FSTL4: variants seen among roughly 807,000 people sequenced by gnomAD.
FSTL4 encodes the protein follistatin-related protein 4.
Under a neutral mutation model 78.2 loss-of-function variants are expected in FSTL4, and 28 were observed. That is an observed-to-expected ratio of 0.36 (90% CI 0.27 to 0.49). FSTL4 has a LOEUF of 0.49. Among genes scored for constraint, FSTL4 ranks in the 20% least tolerant of loss-of-function variants. The pLI is 0.98. For synonymous variants in FSTL4, 422 were observed against 440.5 expected, an observed-to-expected ratio of 0.96 and a Z score of 0.53; for missense variants, 922 against 1,084.9, an observed-to-expected ratio of 0.85 and a Z score of 2.11.
the FSTL4 span, among the ~76,000 whole-genome samples, chr5:133,758,407 A>G: frequency 6.6e-6 from 1 of 152,254 alleles, no homozygotes; most frequent in Non-Finnish European, 1.5e-5. Context: ...GAAAGTGGGG[A>G]AGGGCAAGAC....
At chr5:133,528,051 G>A (rs1759172523) in intron 3 of FSTL4, among the ~76,000 whole-genome samples, 1 of 152,214 alleles carries the variant, frequency 6.6e-6, no homozygotes, top group African/African-American at 2.4e-5. Context: ...CTTGATAAGT[G>A]TTATCATTTC....
At chr5:133,521,083 C>T (rs1758970987) in intron 3 of FSTL4, among the ~76,000 whole-genome samples, 1 of 152,138 alleles carries the variant, frequency 6.6e-6, no homozygotes, top group Admixed American at 6.5e-5. Context: ...CTTCCTAGGG[C>T]AAGCATGTCC....
At position 133,603,921 on chromosome 5, in the gene FSTL4, C is replaced by T; in HGVS notation, c.63G>A (p.Leu21=). Residue 21 remains leucine (L), a synonymous_variant, in exon 2 of 16, where the codon CTG becomes CTA. Coordinates refer to ENST00000265342, the MANE Select transcript of FSTL4 (RefSeq NM_015082.2). ...TLLGASLPAA[L]GWMDPGTSRG... ...TGCTGGTTCCTGGGTCCATCCATCC[C>T]AGCGCAGCCGGCAGGGAGGCTCCGA... The T allele has an allele frequency of 6.2e-7, 1 of 1,614,046 alleles. No individual in the cohort carries two copies. Among genetic ancestry groups the T allele is most frequent in the Non-Finnish European group, 8.5e-7 (1 of 1,179,884 alleles).
chr5:133,454,544 C>T (rs1226356279), intron 3 of FSTL4, among the ~76,000 whole-genome samples: 1 of 152,218 alleles, frequency 6.6e-6, no homozygotes, highest in African/African-American at 2.4e-5. Context: ...AGATGGCTGC[C>T]TGGACATAGA....
intron 3 of FSTL4, among the ~76,000 whole-genome samples, chr5:133,455,703 G>C (rs1293015330): frequency 6.6e-6 from 1 of 152,234 alleles, no homozygotes; most frequent in African/African-American, 2.4e-5. Context: ...ATTCAAGGAG[G>C]CTTCAAGAGC....
At chr5:133,771,415 T>C in the FSTL4 span, among the ~76,000 whole-genome samples, 2 of 152,174 alleles carry the variant, frequency 1.3e-5, no homozygotes, top group African/African-American at 4.8e-5. Flanking sequence ...GTAGTCCTCC[T>C]TATAGAGATC....
chr5:133,445,014 A>G (rs1012061422), intron 3 of FSTL4, among the ~76,000 whole-genome samples: 4 of 152,340 alleles, frequency 2.6e-5, no homozygotes, highest in African/African-American at 9.6e-5. Flanking sequence ...GCGCAGATGG[A>G]AACACACACC....
chr5:133,393,267 G>A (rs1173290424), intron 4 of FSTL4, among the ~76,000 whole-genome samples: 7 of 152,190 alleles, frequency 4.6e-5, no homozygotes, highest in Admixed American at 3.9e-4. Flanking sequence ...TTGAGGTCTT[G>A]GAGGCATCTC....
chr5:133,674,071 C>A, the FSTL4 span, among the ~76,000 whole-genome samples: 1 of 152,170 alleles, frequency 6.6e-6, no homozygotes, highest in Non-Finnish European at 1.5e-5. Flanking sequence ...ACAGAGGCCC[C>A]CACCATAGCA....
intron 3 of FSTL4, among the ~76,000 whole-genome samples, chr5:133,563,604 A>C (rs1043908422): frequency 3.3e-5 from 5 of 152,246 alleles, no homozygotes; most frequent in African/African-American, 1.2e-4. Context: ...ACTGTTCTGT[A>C]CATGCACAGC....
the FSTL4 span, among the ~76,000 whole-genome samples, chr5:133,630,384 C>G: frequency 6.6e-6 from 1 of 152,084 alleles, no homozygotes; most frequent in African/African-American, 2.4e-5. Context: ...GAGTGAACTC[C>G]CATTCACCGT....
At chr5:133,674,983 G>A in the FSTL4 span, among the ~76,000 whole-genome samples, 2 of 152,138 alleles carry the variant, frequency 1.3e-5, no homozygotes, top group Non-Finnish European at 2.9e-5. Context: ...TGCTCGTGGA[G>A]ATTGCATTCT....
chr5:133,283,340 G>A (rs1244457288), intron 6 of FSTL4, among the ~76,000 whole-genome samples: 2 of 152,148 alleles, frequency 1.3e-5, no homozygotes, highest in Non-Finnish European at 2.9e-5. Context: ...ATCTGGTGGG[G>A]CTGGCCCTTG....
intron 3 of FSTL4, among the ~76,000 whole-genome samples, chr5:133,432,180 A>C (rs1381359882): frequency 6.6e-6 from 1 of 152,226 alleles, no homozygotes; most frequent in African/African-American, 2.4e-5. Flanking sequence ...ATTAGAAAAC[A>C]GAGGCTCAGA....
At chr5:133,371,460 G>A (rs934634330) in intron 4 of FSTL4, among the ~76,000 whole-genome samples, 2 of 152,206 alleles carry the variant, frequency 1.3e-5, no homozygotes, top group African/African-American at 2.4e-5. Context: ...GAGGGTCTAC[G>A]GAAAGTGTGG....
At chr5:133,660,448 G>A in the FSTL4 span, among the ~76,000 whole-genome samples, 2,694 of 152,352 alleles carry the variant, frequency 0.018, 30 homozygotes, top group Non-Finnish European at 0.027. Context: ...CAGCAGCAAA[G>A]ACTGGCCTTA....
At chr5:133,330,803 C>T (rs1057457576) in intron 4 of FSTL4, among the ~76,000 whole-genome samples, 1 of 152,210 alleles carries the variant, frequency 6.6e-6, no homozygotes, top group Non-Finnish European at 1.5e-5. Context: ...AAGTGATTTA[C>T]AAGAGCAACC....
intron 3 of FSTL4, among the ~76,000 whole-genome samples, chr5:133,555,726 G>A (rs534471339): frequency 2.6e-5 from 4 of 152,258 alleles, no homozygotes; most frequent in South Asian, 2.1e-4. Context: ...TGAAGTTTCT[G>A]AGCAGGAGAT....
chr5:133,523,610 T>C (rs1422114066), intron 3 of FSTL4, among the ~76,000 whole-genome samples: 1 of 152,206 alleles, frequency 6.6e-6, no homozygotes, highest in Non-Finnish European at 1.5e-5. Context: ...TTTTTTTTAA[T>C]ATGTTTTTAT....
Sources: gnomAD v4.1 joint callset for allele counts (sites outside exome capture counted in the v4.1 genomes callset) on GRCh38, gnomAD v4.1.1 for gene constraint, MANE v1.5 for transcripts, NCBI Gene and HGNC (gene_info 2026-07-23, HGNC 2026-07-21) for gene names.